The following MAGI1 variants were observed in gnomAD, a reference collection of about 807,000 sequenced individuals.
The protein encoded by MAGI1 is membrane associated guanylate kinase, WW and PDZ domain containing 1.
MAGI1 carries 58 observed loss-of-function variants against 139.9 expected under a neutral mutation model. That is an observed-to-expected ratio of 0.41 (90% CI 0.34 to 0.52). MAGI1 has a LOEUF of 0.52. MAGI1 is among the 20% of genes least tolerant of loss of function. MAGI1 has a pLI of 0.12. For synonymous variants in MAGI1, 812 were observed against 737.9 expected (o/e 1.10, Z -1.63); for missense variants, 1,874 against 1,901.6 (o/e 0.99, Z 0.27).
chr3:65,686,998 T>C (rs914572656), intron 1 of MAGI1, among the ~76,000 whole-genome samples: 17 of 152,328 alleles, frequency 1.1e-4, no homozygotes, highest in African/African-American at 3.8e-4. Flanking sequence ...TGATTCTATG[T>C]ATAGGTGCAA....
intron 2 of MAGI1, among the ~76,000 whole-genome samples, chr3:65,504,617 C>A (rs188689662): frequency 6.6e-6 from 1 of 152,250 alleles, no homozygotes; most frequent in African/African-American, 2.4e-5. Context: ...GCTCTTCACC[C>A]AGGGTTGAAT....
intron 12 of MAGI1, among the ~76,000 whole-genome samples, chr3:65,423,895 G>T (rs1946812321): frequency 2.6e-5 from 4 of 152,268 alleles, no homozygotes; most frequent in Admixed American, 2.0e-4. Context: ...AACTAAAACA[G>T]AATTTTCTCC....
intron 1 of MAGI1, among the ~76,000 whole-genome samples, chr3:65,922,336 G>A (rs1242244584): frequency 6.6e-6 from 1 of 152,176 alleles, no homozygotes; most frequent in Non-Finnish European, 1.5e-5. Flanking sequence ...GACCTTTGCA[G>A]ATATAATCAG....
chr3:65,773,255 G>A (rs1005825670), intron 1 of MAGI1, among the ~76,000 whole-genome samples: 4 of 152,064 alleles, frequency 2.6e-5, no homozygotes, highest in Non-Finnish European at 5.9e-5. Flanking sequence ...GTAGGGGGTC[G>A]GGCACCATGG....
chr3:65,529,459 T>G (rs1285104634), intron 2 of MAGI1, among the ~76,000 whole-genome samples: 2 of 152,258 alleles, frequency 1.3e-5, no homozygotes, highest in Admixed American at 1.3e-4. Context: ...TGTACCCATT[T>G]GTGCCTGTCT....
At chr3:66,015,457 A>G (rs1282370758) in intron 1 of MAGI1, among the ~76,000 whole-genome samples, 1 of 151,944 alleles carries the variant, frequency 6.6e-6, no homozygotes, top group African/African-American at 2.4e-5. Flanking sequence ...CATTAACAGC[A>G]GTGAAAAAAA....
intron 2 of MAGI1, among the ~76,000 whole-genome samples, chr3:65,530,025 T>C (rs778759316): frequency 6.6e-6 from 1 of 152,074 alleles, no homozygotes; most frequent in Non-Finnish European, 1.5e-5. Context: ...TACCCATATA[T>C]GTGTGAGAGT....
At chr3:65,684,184 A>G (rs1461717646) in intron 1 of MAGI1, among the ~76,000 whole-genome samples, 2 of 150,562 alleles carry the variant, frequency 1.3e-5, no homozygotes, top group Admixed American at 6.6e-5. Context: ...AAAAAAAAAA[A>G]AAGAAAAGAA....
chr3:65,477,817 A>T (rs1415581241), intron 4 of MAGI1, among the ~76,000 whole-genome samples: 2 of 151,212 alleles, frequency 1.3e-5, no homozygotes, highest in Non-Finnish European at 2.9e-5. Context: ...CCCTTCAGGG[A>T]ACACACATCA....
At chr3:66,000,477 C>T (rs553876723) in intron 1 of MAGI1, among the ~76,000 whole-genome samples, 10 of 152,194 alleles carry the variant, frequency 6.6e-5, no homozygotes, top group Non-Finnish European at 1.0e-4. Flanking sequence ...AAACCTAATA[C>T]GACTAAGGCA....
intron 1 of MAGI1, among the ~76,000 whole-genome samples, chr3:65,891,437 T>C (rs994634416): frequency 1.3e-5 from 2 of 151,928 alleles, no homozygotes; most frequent in African/African-American, 4.8e-5. Context: ...GCACCATCAA[T>C]AAAACCCTTA....
At chr3:65,394,803 T>A (rs1483396284) in intron 13 of MAGI1, among the ~76,000 whole-genome samples, 1 of 152,134 alleles carries the variant, frequency 6.6e-6, no homozygotes, top group Admixed American at 6.5e-5. Flanking sequence ...AAAGTCAACT[T>A]GTGTGCATTT....
chr3:65,512,578 C>A (rs1263106658), intron 2 of MAGI1, among the ~76,000 whole-genome samples: 1 of 152,190 alleles, frequency 6.6e-6, no homozygotes, highest in Non-Finnish European at 1.5e-5. Flanking sequence ...AATTCCTCAA[C>A]ACATACACTC....
chr3:65,546,004 A>G (rs2079486153), intron 2 of MAGI1, among the ~76,000 whole-genome samples: 1 of 145,266 alleles, frequency 6.9e-6, no homozygotes, highest in African/African-American at 2.6e-5. Context: ...GCACACACAC[A>G]CACACACACA....
rs368243061 is a variant in MAGI1 at position 65,735,356 on chromosome 3, C to CGTGTGTGTGTGTGTGTGTGT, written c.314-113288_314-113269dup. On this transcript the variant is annotated intron_variant, in intron 1 of 22. Transcript: ENST00000402939. The stretch of plus-strand genomic sequence containing the variant: ...GCCTGTTTTTAAAAGTGTGTCTGCA[C>CGTGTGTGTGTGTGTGTGTGT]GTGTGTGTGTGTGTGTGTGTGTACA... Among the ~76,000 whole-genome samples the CGTGTGTGTGTGTGTGTGTGT allele has an allele frequency of 2.7e-3, 401 of 148,174 alleles. 4 individuals carry two copies. Among genetic ancestry groups the CGTGTGTGTGTGTGTGTGTGT allele is most frequent in the African/African-American group, 8.5e-3 (335 of 39,626 alleles).
At chr3:65,859,905 TG>T (rs1418083264) in intron 1 of MAGI1, among the ~76,000 whole-genome samples, 5 of 120,290 alleles carry the variant, frequency 4.2e-5, no homozygotes, top group Non-Finnish European at 7.9e-5. Context: ...TTTTTGTTTT[TG>T]TTTTTTTTTT....
rs186621452 is a variant in MAGI1, at chr3:65,950,434, C to T, written c.313+87562G>A. Among the ~76,000 whole-genome samples, 27 of 152,162 alleles carry T rather than the reference C, an allele frequency of 1.8e-4. No homozygotes were observed. In the East Asian group the frequency reaches 4.8e-3, roughly 27 times the overall value. ...AAAAGACTAAAAGCCCAGGCTTGTA[C>T]CCCGCCCTCGCTGTTGAAGGATCCT... On this transcript the variant is annotated intron_variant, in intron 1 of 22. Transcript: ENST00000402939.
intron 1 of MAGI1, among the ~76,000 whole-genome samples, chr3:65,742,521 C>A (rs1018574304): frequency 3.9e-5 from 6 of 152,180 alleles, no homozygotes; most frequent in African/African-American, 1.4e-4. Context: ...TCTCTGTCCT[C>A]ATCGCTGAAA....
chr3:65,938,138 A>C (rs928761633), intron 1 of MAGI1, among the ~76,000 whole-genome samples: 1 of 151,990 alleles, frequency 6.6e-6, no homozygotes, highest in African/African-American at 2.4e-5. Context: ...CAATTACCTA[A>C]GCTACAAATA....
Sources: gnomAD v4.1 joint callset for allele counts (sites outside exome capture counted in the v4.1 genomes callset) on GRCh38, gnomAD v4.1.1 for gene constraint, MANE v1.5 for transcripts, NCBI Gene and HGNC (gene_info 2026-07-23, HGNC 2026-07-21) for gene names.